OR2L13: variants seen among roughly 807,000 people sequenced by gnomAD.
The protein encoded by OR2L13 is olfactory receptor family 2 subfamily L member 13.
In OR2L13, 14 loss-of-function variants were observed where a neutral mutation model predicts 15.3. The observed-to-expected ratio is 0.91, with a 90% CI of 0.60 to 1.43. OR2L13 has a LOEUF of 1.43. Ranked by LOEUF, OR2L13 falls within the 40% of genes most tolerant of loss-of-function variation. OR2L13 has a pLI of 0.00. For synonymous variants in OR2L13, 152 were observed against 142.9 expected (o/e 1.06, Z -0.45); for missense variants, 367 against 387.9 (o/e 0.95, Z 0.45).
chr1:248,100,030 C>A (rs1446884425), exon 3 of OR2L13: 1 of 1,614,046 alleles, frequency 6.2e-7, no homozygotes, highest in Admixed American at 1.7e-5. Flanking sequence ...TTCCTGTGGC[C>A]GAGTCCTATT....
At chr1:248,044,682 A>G in the OR2L13 span, among the ~76,000 whole-genome samples, 1 of 117,852 alleles carries the variant, frequency 8.5e-6, no homozygotes, top group Non-Finnish European at 1.6e-5. Context: ...GGGCGCCTGT[A>G]GTCCCAGCTA....
chr1:247,977,409 A>G, the OR2L13 span, among the ~76,000 whole-genome samples: 1 of 152,184 alleles, frequency 6.6e-6, no homozygotes, highest in Non-Finnish European at 1.5e-5. Flanking sequence ...ATATATATCT[A>G]CTTATGAAGA....
chr1:247,957,068 A>G, the OR2L13 span, among the ~76,000 whole-genome samples: 2 of 152,174 alleles, frequency 1.3e-5, no homozygotes, highest in Non-Finnish European at 2.9e-5. Context: ...TCAATATGAT[A>G]TTGGCTGTAA....
At chr1:248,083,418 A>G in the OR2L13 span, 3 of 497,554 alleles carry the variant, frequency 6.0e-6, no homozygotes, top group Non-Finnish European at 7.1e-6. Flanking sequence ...GTTTTAGGAT[A>G]CAAAGTAATA....
At chr1:247,990,462 T>G in the OR2L13 span, 3 of 1,580,940 alleles carry the variant, frequency 1.9e-6, no homozygotes, top group East Asian at 6.7e-5. Flanking sequence ...TAGTCAGCTC[T>G]CCCTCATTGA....
chr1:248,010,707 G>A, the OR2L13 span, among the ~76,000 whole-genome samples: 1 of 133,374 alleles, frequency 7.5e-6, no homozygotes, highest in Non-Finnish European at 1.6e-5. Flanking sequence ...TTTGATCTTT[G>A]TTGGTTTAAA....
At chr1:248,035,576 C>A in the OR2L13 span, 1 of 152,186 alleles carries the variant, frequency 6.6e-6, no homozygotes. Context: ...TGACAACAGT[C>A]CACAGGCTAA....
At chr1:247,948,879 TC>T in the OR2L13 span, 22 of 1,608,724 alleles carry the variant, frequency 1.4e-5, no homozygotes, top group South Asian at 2.0e-4. Flanking sequence ...CAATCAAACA[TC>T]AACTGATTTC....
At chr1:248,003,533 A>G in the OR2L13 span, 1 of 1,612,564 alleles carries the variant, frequency 6.2e-7, no homozygotes, top group Non-Finnish European at 8.5e-7. Flanking sequence ...TCTCATCCGC[A>G]TGAGCAAAAG....
chr1:247,963,474 T>G, the OR2L13 span, among the ~76,000 whole-genome samples: 3 of 152,310 alleles, frequency 2.0e-5, no homozygotes, highest in South Asian at 4.1e-4. Flanking sequence ...CAGTGGAGTC[T>G]TTGTTCCTTG....
the OR2L13 span, among the ~76,000 whole-genome samples, chr1:248,030,993 G>C: frequency 1.1e-4 from 17 of 152,118 alleles, no homozygotes; most frequent in African/African-American, 3.1e-4. Flanking sequence ...TGATGCCTAG[G>C]TATATACATT....
At chr1:248,021,649 T>C in the OR2L13 span, among the ~76,000 whole-genome samples, 1 of 152,192 alleles carries the variant, frequency 6.6e-6, no homozygotes, top group Admixed American at 6.5e-5. Flanking sequence ...CAACGAGGTA[T>C]TTTGAGAAAA....
At chr1:248,100,376 C>T in exon 3 of OR2L13, 1 of 886,788 alleles carries the variant, frequency 1.1e-6, no homozygotes, top group South Asian at 1.9e-5. Flanking sequence ...CACGCTAGAG[C>T]AGGGTTGTCC....
chr1:247,939,179 C>G, the OR2L13 span: 1 of 152,036 alleles, frequency 6.6e-6, no homozygotes, highest in East Asian at 1.9e-4. Context: ...AGTAAGTAAA[C>G]AAATTGAAAC....
chr1:248,073,476 T>C, the OR2L13 span, among the ~76,000 whole-genome samples: 5 of 146,466 alleles, frequency 3.4e-5, no homozygotes, highest in African/African-American at 1.3e-4. Flanking sequence ...AGGACTGTTG[T>C]GGGGTGGGGG....
At chr1:247,954,636 T>G in the OR2L13 span, among the ~76,000 whole-genome samples, 1 of 152,110 alleles carries the variant, frequency 6.6e-6, no homozygotes, top group Non-Finnish European at 1.5e-5. Flanking sequence ...TTTTGATTTT[T>G]TGAGTACTGC....
At chr1:247,966,442 G>A in the OR2L13 span, 1 of 1,167,664 alleles carries the variant, frequency 8.6e-7, no homozygotes, top group South Asian at 1.6e-5. Context: ...TATCAATCTT[G>A]TTTAACTTGT....
the OR2L13 span, chr1:248,029,064 C>G: frequency 6.6e-6 from 1 of 152,172 alleles, no homozygotes; most frequent in Non-Finnish European, 1.5e-5. Flanking sequence ...GGAATGTACA[C>G]TAACTACCCC....
At chr1:247,955,092 T>A in the OR2L13 span, among the ~76,000 whole-genome samples, 4 of 149,260 alleles carry the variant, frequency 2.7e-5, no homozygotes, top group South Asian at 4.4e-4. Flanking sequence ...ATGCTATCCC[T>A]CCCCCCTTCC....
Sources: gnomAD v4.1 joint callset for allele counts (sites outside exome capture counted in the v4.1 genomes callset) on GRCh38, gnomAD v4.1.1 for gene constraint, MANE v1.5 for transcripts, NCBI Gene and HGNC (gene_info 2026-07-23, HGNC 2026-07-21) for gene names.